Variants in ARMH3 observed in about 807,000 individuals in gnomAD.
The protein encoded by ARMH3 is armadillo-like helical domain-containing protein 3.
A neutral mutation model predicts 99.1 loss-of-function variants in ARMH3; 60 were observed. The observed-to-expected ratio is 0.61, with a 90% confidence interval of 0.49 to 0.75. The LOEUF (loss-of-function observed/expected upper bound fraction) is 0.75. Ranked by LOEUF, ARMH3 falls within the 30% of genes least tolerant of loss-of-function variation. The pLI, the probability that ARMH3 is intolerant of heterozygous loss-of-function variation, is 0.00. For missense variants in ARMH3, 679 were observed against 843.1 expected, an observed-to-expected ratio of 0.81 and a Z score of 2.41; for synonymous variants, 285 against 292.8, an observed-to-expected ratio of 0.97 and a Z score of 0.27.
chr10:101,928,456 A>C (rs963168224), intron 23 of ARMH3, among the ~76,000 whole-genome samples: 1 of 152,196 alleles, frequency 6.6e-6, no homozygotes, highest in Non-Finnish European at 1.5e-5. Flanking sequence ...TGAGCCAATA[A>C]AAACGGGCCA....
At chr10:101,856,866 G>A (rs1040458154) in intron 24 of ARMH3, among the ~76,000 whole-genome samples, 3 of 152,150 alleles carry the variant, frequency 2.0e-5, no homozygotes, top group African/African-American at 7.2e-5. Flanking sequence ...CCCATAATGT[G>A]GAGGGGGCTG....
chr10:101,966,433 CGCCTG>C (rs1452283687), intron 20 of ARMH3, among the ~76,000 whole-genome samples: 14 of 151,656 alleles, frequency 9.2e-5, no homozygotes, highest in Non-Finnish European at 4.4e-5. Flanking sequence ...CCCGCCACCA[CGCCTG>C]GCTAATTTTT....
rs34173316 is a variant in ARMH3 at position 101,912,391 on chromosome 10, CAAAAAAAAA to C, written c.1782-22910_1782-22902del. Among the ~76,000 whole-genome samples, 316 of 83,094 alleles carry C rather than the reference CAAAAAAAAA, an allele frequency of 3.8e-3. 1 individual carries two copies. The highest frequency in any genetic ancestry group is 0.015 in the African/African-American group (301 of 20,002). The allele number at this position is 83,094 out of a possible 152,430, so 54.5% of individuals were successfully genotyped here. ...CTGGCGACAGAGTGAGACTCTGTCT[CAAAAAAAAA>C]AAAAAAAAAAAAGATTTGAGCACAA... On this transcript the variant is annotated intron_variant, in intron 23 of 25. Transcript: ENST00000370033.
At chr10:102,049,582 CTTT>C (rs528823071) in intron 1 of ARMH3, among the ~76,000 whole-genome samples, 9 of 137,344 alleles carry the variant, frequency 6.6e-5, no homozygotes, top group Non-Finnish European at 9.5e-5. Flanking sequence ...GGGCCTGCAA[CTTT>C]TTTTTTTTTT....
intron 22 of ARMH3, among the ~76,000 whole-genome samples, chr10:101,944,323 G>C (rs1172737855): frequency 8.8e-6 from 1 of 113,848 alleles, no homozygotes; most frequent in Admixed American, 9.0e-5. Context: ...GAGAGAGAGA[G>C]AGAGAGTCCA....
rs190563211 is a variant in ARMH3, at chr10:101,966,241, G to A, written c.1496-8509C>T. On this transcript the variant is annotated intron_variant, in intron 20 of 25. Transcript: ENST00000370033. ...GTGCCTTAGCTTCCTGAGTAGCTGG[G>A]ATTACAGGCATGCACCACCACACCT... Among the ~76,000 whole-genome samples the A allele has an allele frequency of 2.0e-5, 3 of 147,962 alleles. No individual in the cohort carries two copies. The East Asian group carries it at 5.9e-4, about 29-fold the overall frequency.
At chr10:101,914,147 GA>G (rs1289567928) in intron 23 of ARMH3, among the ~76,000 whole-genome samples, 1 of 152,068 alleles carries the variant, frequency 6.6e-6, no homozygotes, top group Non-Finnish European at 1.5e-5. Flanking sequence ...TATCTATTAT[GA>G]ATAGTCAGTA....
intron 8 of ARMH3, among the ~76,000 whole-genome samples, chr10:102,015,339 A>G (rs888355502): frequency 6.6e-6 from 1 of 152,096 alleles, no homozygotes; most frequent in Non-Finnish European, 1.5e-5. Context: ...ATTTCTTGGC[A>G]TAATTTTTGA....
intron 24 of ARMH3, among the ~76,000 whole-genome samples, chr10:101,858,721 G>A (rs909036711): frequency 6.6e-6 from 1 of 152,174 alleles, no homozygotes; most frequent in African/African-American, 2.4e-5. Context: ...GCAGGTGGAC[G>A]CAGGCAGAGT....
intron 24 of ARMH3, among the ~76,000 whole-genome samples, chr10:101,863,613 TTG>T (rs2066922948): frequency 6.6e-6 from 1 of 152,068 alleles, no homozygotes; most frequent in Admixed American, 6.5e-5. Flanking sequence ...ATCTCGCAAA[TTG>T]TGTATCTTAG....
intron 23 of ARMH3, among the ~76,000 whole-genome samples, chr10:101,935,891 C>G (rs1413919914): frequency 6.6e-6 from 1 of 152,140 alleles, no homozygotes; most frequent in East Asian, 1.9e-4. Context: ...TTAAATATCC[C>G]ACAGTATTCC....
intron 7 of ARMH3, 34 bp downstream of exon 7, chr10:102,023,641 T>TTA (rs1278403435): frequency 6.2e-7 from 1 of 1,610,558 alleles, no homozygotes; most frequent in South Asian, 1.1e-5. Context: ...AAGAGGTGGT[T>TTA]TACCCCAAAG....
In ARMH3 at chr10:101,939,882, G is replaced by A; in HGVS notation, c.1762C>T (p.His588Tyr). 1 of 1,613,636 alleles carries A rather than the reference G, an allele frequency of 6.2e-7. No individual in the cohort carries two copies. The stretch of plus-strand genomic sequence containing the variant: ...CCTTACCTGATATTAACCAATGCAT[G>A]GGTCACCTTGCTAGCTGCTTCCTTC... ...QWKEAASKVT[H>Y]ALVNIRAIIN... Residue 588 changes from histidine to tyrosine, a missense_variant, in exon 23 of 26, where the codon CAT becomes TAT. By Grantham distance (83) the His-to-Tyr change is moderately conservative. Transcript: ENST00000370033.
intron 20 of ARMH3, among the ~76,000 whole-genome samples, chr10:101,958,264 C>A (rs758985080): frequency 1.8e-4 from 27 of 152,130 alleles, no homozygotes; most frequent in Admixed American, 6.6e-4. Flanking sequence ...GAAAAAAAGC[C>A]CTTAACTGCT....
intron 24 of ARMH3, among the ~76,000 whole-genome samples, chr10:101,880,691 C>T (rs532520089): frequency 2.6e-4 from 40 of 152,218 alleles, no homozygotes; most frequent in African/African-American, 9.6e-4. Flanking sequence ...TTTACTAGTA[C>T]GCCAAGGACC....
At chr10:102,012,718 C>T in intron 10 of ARMH3, 115 bp downstream of exon 10, 2 of 949,438 alleles carry the variant, frequency 2.1e-6, no homozygotes, top group East Asian at 2.8e-5. Context: ...AGGGGCTGTA[C>T]ATCTGAATAC....
chr10:101,934,767 T>A (rs1035860777), intron 23 of ARMH3, among the ~76,000 whole-genome samples: 1 of 152,178 alleles, frequency 6.6e-6, no homozygotes, highest in Non-Finnish European at 1.5e-5. Context: ...GTTGTTTGGT[T>A]AGATGAAGGT....
rs1281726141 is a variant in ARMH3, at chr10:101,938,872, C to T, written c.1781+991G>A. ...CTGCAATCTTGTTAGCACATCTCAC[C>T]CCATGCTCCCTCATCCCAGCCCTCT... On this transcript the variant is annotated intron_variant, in intron 23 of 25. Transcript: ENST00000370033. 5.3e-5 allele frequency among the ~76,000 whole-genome samples: 8 copies of T among 152,314 alleles called. No homozygotes were observed. In the South Asian group the frequency reaches 1.7e-3, roughly 32 times the overall value.
At chr10:101,966,761 C>T (rs1845562048) in intron 20 of ARMH3, among the ~76,000 whole-genome samples, 1 of 152,090 alleles carries the variant, frequency 6.6e-6, no homozygotes, top group Non-Finnish European at 1.5e-5. Flanking sequence ...ATTGTGTTGC[C>T]ATGTAGCAGT....
Sources: allele counts gnomAD v4.1 joint callset (sites outside exome capture counted in the v4.1 genomes callset), GRCh38; gene constraint gnomAD v4.1.1; transcripts MANE v1.5; gene names NCBI Gene and HGNC (gene_info 2026-07-23, HGNC 2026-07-21).